RAB38: variants seen among roughly 807,000 people sequenced by gnomAD.
The protein encoded by RAB38 is RAB38, member RAS oncogene family, also known as ras-related protein Rab-38.
Under a neutral mutation model 18.4 loss-of-function variants are expected in RAB38, and 15 were observed. That is an observed-to-expected ratio of 0.82 (90% CI 0.55 to 1.26). The LOEUF (loss-of-function observed/expected upper bound fraction) is 1.26, where lower values mean the gene tolerates loss of function less well. Ranked by LOEUF, RAB38 falls within the 50% of genes most tolerant of loss-of-function variation. RAB38 has a pLI of 0.00. For synonymous variants in RAB38, 101 were observed against 104.4 expected (o/e 0.97, Z 0.20); for missense variants, 294 against 267.4 (o/e 1.10, Z -0.69).
chr11:88,171,497 T>C (rs1943311499), intron 1 of RAB38, among the ~76,000 whole-genome samples: 1 of 152,214 alleles, frequency 6.6e-6, no homozygotes, highest in African/African-American at 2.4e-5. Flanking sequence ...AGTATCTAAA[T>C]TTAGAATATA....
chr11:87,973,713 C>T, the RAB38 span, among the ~76,000 whole-genome samples: 2 of 142,840 alleles, frequency 1.4e-5, no homozygotes, highest in African/African-American at 5.0e-5. Flanking sequence ...AAATGAGACC[C>T]TGTGAATCCC....
At chr11:87,925,984 G>A in the RAB38 span, among the ~76,000 whole-genome samples, 1 of 151,940 alleles carries the variant, frequency 6.6e-6, no homozygotes, top group Non-Finnish European at 1.5e-5. Context: ...TGAAGCAGGA[G>A]AGGATGGTTC....
At chr11:87,885,863 TG>T in the RAB38 span, among the ~76,000 whole-genome samples, 3 of 152,044 alleles carry the variant, frequency 2.0e-5, no homozygotes, top group African/African-American at 4.8e-5. Context: ...TAAATAGGGA[TG>T]GGGGCAAAAA....
the RAB38 span, among the ~76,000 whole-genome samples, chr11:87,933,367 G>A: frequency 5.3e-5 from 8 of 151,998 alleles, no homozygotes; most frequent in Non-Finnish European, 8.8e-5. Context: ...AGGTAAAGTT[G>A]ATTTCACTCA....
At chr11:88,032,820 G>C in the RAB38 span, among the ~76,000 whole-genome samples, 1 of 152,186 alleles carries the variant, frequency 6.6e-6, no homozygotes, top group Non-Finnish European at 1.5e-5. Context: ...ACAGTGTGGC[G>C]ATTCCTCAGG....
chr11:87,838,761 G>A, the RAB38 span, among the ~76,000 whole-genome samples: 1 of 152,190 alleles, frequency 6.6e-6, no homozygotes, highest in Non-Finnish European at 1.5e-5. Context: ...AACAACATAT[G>A]ACATCCTGAA....
chr11:87,971,922 GTTT>G, the RAB38 span, among the ~76,000 whole-genome samples: 19 of 135,172 alleles, frequency 1.4e-4, no homozygotes, highest in East Asian at 1.9e-3. Flanking sequence ...GTGTAAAAGC[GTTT>G]TTTTTTTTTT....
chr11:88,092,777 A>T, the RAB38 span, among the ~76,000 whole-genome samples: 4 of 151,884 alleles, frequency 2.6e-5, no homozygotes, highest in Admixed American at 1.3e-4. Flanking sequence ...ATCATGATAC[A>T]CCCTTCAAAA....
the RAB38 span, among the ~76,000 whole-genome samples, chr11:88,056,024 T>C: frequency 2.0e-5 from 3 of 151,954 alleles, no homozygotes; most frequent in Admixed American, 6.6e-5. Flanking sequence ...CTTTCGTGTG[T>C]GTGTGTGTGT....
chr11:88,022,610 A>AC, the RAB38 span, among the ~76,000 whole-genome samples: 3 of 134,414 alleles, frequency 2.2e-5, no homozygotes, highest in African/African-American at 8.8e-5. Flanking sequence ...TAAAGACCCC[A>AC]CAAAAAAAAA....
At chr11:88,096,644 A>G in the RAB38 span, among the ~76,000 whole-genome samples, 1 of 152,100 alleles carries the variant, frequency 6.6e-6, no homozygotes, top group South Asian at 2.1e-4. Context: ...ATAATTCTTT[A>G]ACAACAAAAA....
At chr11:87,874,374 A>G in the RAB38 span, among the ~76,000 whole-genome samples, 1 of 151,540 alleles carries the variant, frequency 6.6e-6, no homozygotes, top group Admixed American at 6.6e-5. Flanking sequence ...TAAAGCACCG[A>G]AACAATTCAG....
chr11:88,101,962 G>A, the RAB38 span, among the ~76,000 whole-genome samples: 1 of 151,904 alleles, frequency 6.6e-6, no homozygotes, highest in Non-Finnish European at 1.5e-5. Context: ...GAATTGGAAT[G>A]GTTACCTTGG....
chr11:87,942,785 G>C, the RAB38 span, among the ~76,000 whole-genome samples: 2 of 152,268 alleles, frequency 1.3e-5, no homozygotes, highest in East Asian at 3.9e-4. Context: ...TTCTCACTTA[G>C]AGGAATGTCC....
At chr11:87,975,835 A>G in the RAB38 span, among the ~76,000 whole-genome samples, 1 of 151,820 alleles carries the variant, frequency 6.6e-6, no homozygotes, top group South Asian at 2.1e-4. Flanking sequence ...CACCCATATC[A>G]AGACTGACCA....
At chr11:87,955,747 G>A in the RAB38 span, among the ~76,000 whole-genome samples, 1 of 151,950 alleles carries the variant, frequency 6.6e-6, no homozygotes, top group Non-Finnish European at 1.5e-5. Flanking sequence ...GATGACCCCT[G>A]TCATCCGAAA....
the RAB38 span, among the ~76,000 whole-genome samples, chr11:88,098,406 GT>G: frequency 6.6e-6 from 1 of 151,944 alleles, no homozygotes; most frequent in East Asian, 1.9e-4. Context: ...ACTAAATAAA[GT>G]AATGTAAGTA....
Position 88,174,133 on chromosome 11 carries a change from G to A in RAB38, c.202+1050C>T, listed in dbSNP as rs185458425. 1,261 of 967,262 alleles carry A rather than the reference G, an allele frequency of 1.3e-3. 12 individuals carry two copies. The African/African-American group carries it at 0.021, about 16-fold the overall frequency. 59.9% of individuals were successfully genotyped at this position (967,262 alleles called of 1,614,324 possible). A position where few individuals can be genotyped will look rare whatever the true frequency, so the allele number is the denominator to read the frequency against. ...AAAACTTCTGAGCAGGAAGATCCTT[G>A]ACCCTTGCCCAACTCCTTTCCACTT... On this transcript the variant is annotated intron_variant, in intron 1 of 2. Coordinates refer to ENST00000243662, the MANE Select transcript of RAB38 (RefSeq NM_022337.3).
At chr11:88,083,247 T>C in the RAB38 span, among the ~76,000 whole-genome samples, 1 of 151,868 alleles carries the variant, frequency 6.6e-6, no homozygotes, top group African/African-American at 2.4e-5. Context: ...CCCAACTTAC[T>C]TTTCTTAATA....
Sources: gnomAD v4.1 joint callset for allele counts (sites outside exome capture counted in the v4.1 genomes callset) on GRCh38, gnomAD v4.1.1 for gene constraint, MANE v1.5 for transcripts, NCBI Gene and HGNC (gene_info 2026-07-23, HGNC 2026-07-21) for gene names.